STPG2: variants seen among roughly 807,000 people sequenced by gnomAD.
The protein encoded by STPG2 is sperm-tail PG-rich repeat-containing protein 2.
STPG2 carries 56 observed loss-of-function variants against 54.2 expected under a neutral mutation model. That is an observed-to-expected ratio of 1.03 (90% confidence interval 0.83 to 1.29). STPG2 has a LOEUF of 1.29. STPG2 is among the 50% of genes most tolerant of loss of function. The pLI is 0.00. For missense variants in STPG2, 596 were observed against 544.9 expected (o/e 1.09, Z -0.93); for synonymous variants, 200 against 181.8 (o/e 1.10, Z -0.81).
intron 7 of STPG2, among the ~76,000 whole-genome samples, chr4:97,951,033 C>A (rs1225789832): frequency 6.6e-6 from 1 of 152,250 alleles, no homozygotes; most frequent in African/African-American, 2.4e-5. Flanking sequence ...AATCAGCTGG[C>A]ACCATCCAGA....
rs530950859 is a variant in STPG2, at chr4:97,870,801, C to T, written c.1045-29869G>A. On this transcript the variant is annotated intron_variant, in intron 8 of 10. Transcript: ENST00000295268. ...CAGAGATGTAGAAATAAACAATACA[C>T]CAATAACGTAAATCTTAAGGATATA... 6.0e-5 allele frequency among the ~76,000 whole-genome samples: 9 copies of T among 151,258 alleles called. No individual in the cohort carries two copies. The South Asian group carries it at 1.7e-3, about 28-fold the overall frequency.
intron 9 of STPG2, among the ~76,000 whole-genome samples, chr4:97,800,136 T>G (rs1350551497): frequency 6.6e-6 from 1 of 152,252 alleles, no homozygotes; most frequent in Non-Finnish European, 1.5e-5. Flanking sequence ...AACTTCCTCC[T>G]TTAGCTCGGA....
At chr4:97,536,992 A>G (rs1049533448) in intron 4 of STPG2, among the ~76,000 whole-genome samples, 1 of 152,190 alleles carries the variant, frequency 6.6e-6, no homozygotes, top group East Asian at 1.9e-4. Flanking sequence ...TTGTGTAAAT[A>G]TATTTACTAG....
intron 5 of STPG2, among the ~76,000 whole-genome samples, chr4:98,023,327 C>G (rs1578791067): frequency 6.6e-6 from 1 of 152,182 alleles, no homozygotes; most frequent in Non-Finnish European, 1.5e-5. Context: ...GGCTGCAGAA[C>G]AGCGATGACT....
chr4:97,920,730 G>T (rs192503498), intron 8 of STPG2, among the ~76,000 whole-genome samples: 1 of 152,158 alleles, frequency 6.6e-6, no homozygotes, highest in African/African-American at 2.4e-5. Flanking sequence ...GACCATAGAC[G>T]TGAGAAGTAA....
At chr4:98,026,118 G>T in intron 5 of STPG2, 1 of 1,462,002 alleles carries the variant, frequency 6.8e-7, no homozygotes, top group Non-Finnish European at 9.5e-7. Flanking sequence ...GCTGCTATAC[G>T]AGAGAATCCA....
At chr4:97,858,129 A>G (rs902539129) in intron 8 of STPG2, among the ~76,000 whole-genome samples, 1 of 152,150 alleles carries the variant, frequency 6.6e-6, no homozygotes, top group African/African-American at 2.4e-5. Context: ...AGACAGTTTA[A>G]TAAAAGTGAT....
intron 10 of STPG2, among the ~76,000 whole-genome samples, chr4:97,605,791 A>C (rs928460601): frequency 2.0e-4 from 31 of 151,320 alleles, no homozygotes; most frequent in African/African-American, 6.1e-4. Context: ...CAGGGATTTC[A>C]ATAATATTTG....
At chr4:97,482,916 A>G (rs1730260652) in intron 4 of STPG2, among the ~76,000 whole-genome samples, 1 of 151,698 alleles carries the variant, frequency 6.6e-6, no homozygotes, top group Non-Finnish European at 1.5e-5. Context: ...GCCTCCTCAA[A>G]CAAAACAATT....
intron 7 of STPG2, among the ~76,000 whole-genome samples, chr4:97,967,120 C>T (rs893786550): frequency 1.4e-5 from 2 of 142,526 alleles, no homozygotes; most frequent in Non-Finnish European, 3.0e-5. Context: ...ATCCATCTCA[C>T]ATGCAGAGAC....
intron 10 of STPG2, among the ~76,000 whole-genome samples, chr4:97,597,088 C>T (rs1375443513): frequency 6.6e-6 from 1 of 151,984 alleles, no homozygotes; most frequent in Non-Finnish European, 1.5e-5. Flanking sequence ...TCATTACCAC[C>T]ATCTGCACAG....
chr4:97,621,446 A>G lies in STPG2; in HGVS notation c.1321-62329T>C, dbSNP rs185104938. 4.1e-4 allele frequency among the ~76,000 whole-genome samples: 63 copies of G among 152,244 alleles called. 1 individual carries two copies. The highest frequency in any genetic ancestry group is 1.4e-3 in the African/African-American group (59 of 41,546). ...AATGCAATCAGAAATGACAAAGGAG[A>G]TGTTATCACTGACCCCACAGACATA... On this transcript the variant is annotated intron_variant, in intron 10 of 10. Coordinates refer to ENST00000295268, the MANE Select transcript of STPG2 (RefSeq NM_174952.3).
intron 10 of STPG2, among the ~76,000 whole-genome samples, chr4:97,655,467 AC>A (rs1293698599): frequency 1.3e-5 from 2 of 152,148 alleles, no homozygotes; most frequent in Non-Finnish European, 2.9e-5. Flanking sequence ...GAACTATTAA[AC>A]AAAAGTAGAA....
chr4:97,995,680 G>C (rs558341552), intron 5 of STPG2, among the ~76,000 whole-genome samples: 4 of 152,044 alleles, frequency 2.6e-5, no homozygotes, highest in Admixed American at 6.5e-5. Flanking sequence ...AGCTAAAGTG[G>C]GAGGAAGCTG....
At chr4:97,985,127 A>G (rs1401761879) in intron 5 of STPG2, among the ~76,000 whole-genome samples, 1 of 152,204 alleles carries the variant, frequency 6.6e-6, no homozygotes, top group Non-Finnish European at 1.5e-5. Flanking sequence ...ATAATTTATT[A>G]TTGGAAGTAC....
chr4:98,099,974 C>T (rs554263240), intron 5 of STPG2, among the ~76,000 whole-genome samples: 12 of 152,196 alleles, frequency 7.9e-5, no homozygotes, highest in African/African-American at 2.9e-4. Context: ...GATTATTACA[C>T]ATTGCATACC....
At chr4:97,840,172 G>GA (rs374592075) in intron 9 of STPG2, among the ~76,000 whole-genome samples, 22 of 150,530 alleles carry the variant, frequency 1.5e-4, no homozygotes, top group African/African-American at 9.7e-5. Context: ...CTTTATATTT[G>GA]AAAAAAAATA....
intron 8 of STPG2, among the ~76,000 whole-genome samples, chr4:97,859,241 T>A (rs1729430298): frequency 6.6e-6 from 1 of 152,170 alleles, no homozygotes; most frequent in African/African-American, 2.4e-5. Context: ...TTTGATGGGA[T>A]TACATGGGGT....
intron 5 of STPG2, among the ~76,000 whole-genome samples, chr4:98,057,924 T>A (rs1185942671): frequency 6.6e-6 from 1 of 152,108 alleles, no homozygotes; most frequent in Non-Finnish European, 1.5e-5. Context: ...GAAAAGTAAT[T>A]CTAACCCAGA....
Sources: gnomAD v4.1 joint callset for allele counts (sites outside exome capture counted in the v4.1 genomes callset) on GRCh38, gnomAD v4.1.1 for gene constraint, MANE v1.5 for transcripts, NCBI Gene and HGNC (gene_info 2026-07-23, HGNC 2026-07-21) for gene names.